PHF21A: variants seen among roughly 807,000 people sequenced by gnomAD.
The protein encoded by PHF21A is BHC80a.
In PHF21A, 11 loss-of-function variants were observed where a neutral mutation model predicts 82.5. That is an observed-to-expected ratio of 0.13 (90% CI 0.08 to 0.22). The LOEUF is 0.22. Among genes scored for constraint, PHF21A ranks in the 10% least tolerant of loss-of-function variants. PHF21A has a pLI of 1.00. For missense variants in PHF21A, 579 were observed against 837.8 expected, an observed-to-expected ratio of 0.69 and a Z score of 3.81; for synonymous variants, 297 against 302.8, an observed-to-expected ratio of 0.98 and a Z score of 0.20.
chr11:46,084,279 A>T lies in PHF21A; in HGVS notation c.-60T>A. On this transcript the variant is annotated 5_prime_UTR_variant, in exon 4 of 19. Coordinates refer to ENST00000676320, the MANE Select transcript of PHF21A (RefSeq NM_001352027.3). The stretch of plus-strand genomic sequence containing the variant: ...AGTTTCTTCAGCCTCTGTTTAAAGT[A>T]ACAAACTCCTCTTCTCACTGCAGCT... The T allele has an allele frequency of 7.9e-7, 1 of 1,273,308 alleles. No individual in the cohort carries two copies. Among genetic ancestry groups the T allele is most frequent in the Non-Finnish European group, 1.1e-6 (1 of 898,126 alleles). The allele number at this position is 1,273,308 out of a possible 1,614,324, so 78.9% of individuals were successfully genotyped here.
chr11:46,011,184 G>T (rs1331114876), intron 6 of PHF21A, among the ~76,000 whole-genome samples: 1 of 152,094 alleles, frequency 6.6e-6, no homozygotes, highest in East Asian at 1.9e-4. Flanking sequence ...GCTAGTGGTA[G>T]GGTGTATAAA....
At chr11:45,951,918 A>G (rs573501381) in intron 11 of PHF21A, among the ~76,000 whole-genome samples, 28 of 149,694 alleles carry the variant, frequency 1.9e-4, no homozygotes, top group African/African-American at 6.9e-4. Flanking sequence ...GCTATTCTCC[A>G]GCCTCAGCCT....
At chr11:45,949,320 C>G in intron 13 of PHF21A, 82 bp downstream of exon 13, 1 of 1,117,996 alleles carries the variant, frequency 8.9e-7, no homozygotes, top group South Asian at 1.3e-5. Context: ...TGCTCTTCAG[C>G]AGGTTTTCAG....
intron 6 of PHF21A, among the ~76,000 whole-genome samples, chr11:45,996,106 G>T (rs1057215666): frequency 6.6e-6 from 1 of 151,988 alleles, no homozygotes; most frequent in African/African-American, 2.4e-5. Context: ...ACCAAATCCA[G>T]CCAATTTTTA....
At chr11:46,040,890 G>GAC (rs35673374) in intron 6 of PHF21A, among the ~76,000 whole-genome samples, 9,867 of 137,182 alleles carry the variant, frequency 0.072, 361 homozygotes, top group Non-Finnish European at 0.094. Context: ...CTGACAGGAA[G>GAC]ACACACACAC....
intron 6 of PHF21A, among the ~76,000 whole-genome samples, chr11:46,012,098 A>G (rs4144718): frequency 0.5 from 76,519 of 152,014 alleles, 22,677 homozygotes; most frequent in African/African-American, 0.81. Flanking sequence ...TGAGCTGTTC[A>G]TTACTACCGG....
rs140584709 is a variant in PHF21A, at chr11:46,032,052, G to A, written c.153+44702C>T. 5.9e-5 allele frequency among the ~76,000 whole-genome samples: 9 copies of A among 152,274 alleles called. No individual in the cohort carries two copies. The East Asian group carries it at 1.7e-3, about 29-fold the overall frequency. The stretch of plus-strand genomic sequence containing the variant: ...AGTCAAAGCCCAACTCTTAAGTGCT[G>A]CTTTAAAAAGAAAACTGTTTGAATC... On this transcript the variant is annotated intron_variant, in intron 6 of 18. Coordinates refer to ENST00000676320, the MANE Select transcript of PHF21A (RefSeq NM_001352027.3).
rs1853207713 is a variant in PHF21A at position 46,121,250 on chromosome 11, G to C, written c.-552C>G. ...TCCCCAGGCAAGGGGGGGTGGGGAG[G>C]AGGGGGTTGGGGGGAGGAACTGGAT... is the stretch of plus-strand genomic sequence containing the variant. On this transcript the variant is annotated 5_prime_UTR_variant, in exon 1 of 19. Transcript: ENST00000676320. 1 of 148,762 alleles carries C rather than the reference G, an allele frequency of 6.7e-6. No individual in the cohort carries two copies. Among genetic ancestry groups the C allele is most frequent in the South Asian group, 2.2e-4 (1 of 4,524 alleles). 9.2% of individuals were successfully genotyped at this position (148,762 alleles called of 1,614,324 possible).
chr11:46,008,452 A>G (rs1395966208), intron 6 of PHF21A, among the ~76,000 whole-genome samples: 1 of 152,210 alleles, frequency 6.6e-6, no homozygotes, highest in Non-Finnish European at 1.5e-5. Flanking sequence ...GGCAGCATAC[A>G]TCTCATCTTG....
intron 6 of PHF21A, among the ~76,000 whole-genome samples, chr11:46,049,237 G>C (rs769180986): frequency 2.6e-5 from 4 of 152,230 alleles, no homozygotes; most frequent in Non-Finnish European, 4.4e-5. Context: ...ATACAGAACT[G>C]TCAGAGCCAG....
At chr11:45,943,011 T>C (rs1490482711) in intron 15 of PHF21A, among the ~76,000 whole-genome samples, 3 of 152,192 alleles carry the variant, frequency 2.0e-5, no homozygotes, top group Non-Finnish European at 2.9e-5. Flanking sequence ...GACCATTCTT[T>C]TTCTCATAAC....
intron 6 of PHF21A, among the ~76,000 whole-genome samples, chr11:46,000,819 C>CT (rs2095097908): frequency 6.6e-6 from 1 of 151,994 alleles, no homozygotes; most frequent in South Asian, 2.1e-4. Context: ...ACTTGGGAGG[C>CT]TGAGGCAGGA....
At chr11:45,999,393 T>A (rs1366651405) in intron 6 of PHF21A, among the ~76,000 whole-genome samples, 1 of 152,206 alleles carries the variant, frequency 6.6e-6, no homozygotes, top group East Asian at 1.9e-4. Flanking sequence ...AGTGGTTGAT[T>A]ATAGGTCTCT....
At chr11:45,934,663 G>C (rs192170222) in intron 18 of PHF21A, 93 of 267,796 alleles carry the variant, frequency 3.5e-4, no homozygotes, top group Non-Finnish European at 2.2e-4. Flanking sequence ...CTCCAGGGTG[G>C]AAAACACACA....
chr11:46,074,565 T>G (rs950327038), intron 6 of PHF21A, among the ~76,000 whole-genome samples: 3 of 152,104 alleles, frequency 2.0e-5, no homozygotes, highest in Non-Finnish European at 4.4e-5. Flanking sequence ...TGCAGTGGCA[T>G]GGTCTTGGCT....
intron 6 of PHF21A, among the ~76,000 whole-genome samples, chr11:46,042,501 A>C (rs2096169851): frequency 6.6e-6 from 1 of 152,164 alleles, no homozygotes; most frequent in African/African-American, 2.4e-5. Flanking sequence ...TAAATCCTAG[A>C]AAACCGAAGA....
intron 6 of PHF21A, among the ~76,000 whole-genome samples, chr11:45,983,336 C>T (rs2094376496): frequency 6.6e-6 from 1 of 152,026 alleles, no homozygotes; most frequent in African/African-American, 2.4e-5. Context: ...GAGAGCTCTG[C>T]ATTACAGGTC....
At chr11:46,037,797 G>C (rs2096045602) in intron 6 of PHF21A, among the ~76,000 whole-genome samples, 1 of 151,998 alleles carries the variant, frequency 6.6e-6, no homozygotes, top group South Asian at 2.1e-4. Flanking sequence ...GCAACAGTAT[G>C]AATCTTTTTT....
At chr11:45,995,693 A>G (rs1471354054) in intron 6 of PHF21A, among the ~76,000 whole-genome samples, 1 of 152,208 alleles carries the variant, frequency 6.6e-6, no homozygotes, top group Non-Finnish European at 1.5e-5. Flanking sequence ...ACATGTAACA[A>G]AAGGAAGACT....
Sources: gnomAD v4.1 joint callset for allele counts (sites outside exome capture counted in the v4.1 genomes callset) on GRCh38, gnomAD v4.1.1 for gene constraint, MANE v1.5 for transcripts, NCBI Gene and HGNC (gene_info 2026-07-23, HGNC 2026-07-21) for gene names.